The following VGLL4 variants were observed in gnomAD, a reference collection of about 807,000 sequenced individuals.
The protein encoded by VGLL4 is transcription cofactor vestigial-like protein 4.
VGLL4 carries 7 observed loss-of-function variants against 21.0 expected under a neutral mutation model. The ratio of observed to expected loss-of-function variants is 0.33; its 90% CI spans 0.19 to 0.63. The LOEUF (loss-of-function observed/expected upper bound fraction) is 0.63, where lower values mean the gene tolerates loss of function less well. VGLL4 is among the 20% of genes least tolerant of loss of function. The pLI is 0.78. For synonymous variants in VGLL4, 222 were observed against 173.2 expected, an observed-to-expected ratio of 1.28 and a Z score of -2.21; for missense variants, 394 against 425.7, an observed-to-expected ratio of 0.93 and a Z score of 0.66.
intron 1 of VGLL4, among the ~76,000 whole-genome samples, chr3:11,616,049 G>A (rs1310197560): frequency 6.6e-6 from 1 of 152,164 alleles, no homozygotes; most frequent in Non-Finnish European, 1.5e-5. Context: ...ATCCCTGACT[G>A]ATTGGATTGC....
At chr3:11,673,735 C>T (rs930147853) in intron 2 of VGLL4, among the ~76,000 whole-genome samples, 5 of 151,986 alleles carry the variant, frequency 3.3e-5, no homozygotes, top group African/African-American at 9.7e-5. Flanking sequence ...TCAGAATGGC[C>T]AGATGTGGTG....
At chr3:11,689,522 A>G (rs1273839341) in intron 2 of VGLL4, among the ~76,000 whole-genome samples, 1 of 152,192 alleles carries the variant, frequency 6.6e-6, no homozygotes, top group Non-Finnish European at 1.5e-5. Flanking sequence ...ACTTAGATTC[A>G]CTATACAGCA....
chr3:11,595,160 TCAAACAAA>T (rs370686701), intron 2 of VGLL4, among the ~76,000 whole-genome samples: 3,571 of 121,450 alleles, frequency 0.029, 143 homozygotes, highest in African/African-American at 0.11. Flanking sequence ...AAACTCCATC[TCAAACAAA>T]CAAACAAACA....
chr3:11,565,359 G>A lies in VGLL4; in HGVS notation c.273-340C>T, dbSNP rs993944866. ...CTGGAGGCCAAGCTGGTTCGATAAG[G>A]ACCTGCCATTTGGACAGGACGGGGA... On this transcript the variant is annotated intron_variant, in intron 2 of 4. Coordinates refer to ENST00000430365, the MANE Select transcript of VGLL4 (RefSeq NM_001128219.3). This position sits in a 1 kb window ranked among gnomAD's most constrained non-coding sequence, Gnocchi z 4.1. 1.3e-5 allele frequency among the ~76,000 whole-genome samples: 2 copies of A among 152,128 alleles called. No homozygotes were observed. Among genetic ancestry groups the A allele is most frequent in the African/African-American group, 4.8e-5 (2 of 41,414 alleles).
chr3:11,685,422 C>T (rs998505353), intron 2 of VGLL4, among the ~76,000 whole-genome samples: 1 of 152,110 alleles, frequency 6.6e-6, no homozygotes, highest in African/African-American at 2.4e-5. Flanking sequence ...TGGTCTTGAA[C>T]TCCTGACCTT....
At chr3:11,672,951 T>C (rs2076238185) in intron 2 of VGLL4, among the ~76,000 whole-genome samples, 1 of 152,098 alleles carries the variant, frequency 6.6e-6, no homozygotes, top group South Asian at 2.1e-4. Context: ...ATCGCACAAT[T>C]CAAACCCAGC....
At chr3:11,711,716 C>CA (rs540751044) in intron 1 of VGLL4, among the ~76,000 whole-genome samples, 114 of 144,390 alleles carry the variant, frequency 7.9e-4, no homozygotes, top group Middle Eastern at 7.0e-3. Context: ...GACCCTGTCT[C>CA]AAAAAAAAAA....
intron 1 of VGLL4, among the ~76,000 whole-genome samples, chr3:11,623,498 C>T (rs962575216): frequency 2.6e-5 from 4 of 152,094 alleles, no homozygotes; most frequent in African/African-American, 9.7e-5. Context: ...AATCCTGAGT[C>T]GAAGTGGACC....
chr3:11,567,316 C>A (rs1345050365), intron 2 of VGLL4, among the ~76,000 whole-genome samples: 1 of 152,148 alleles, frequency 6.6e-6, no homozygotes, highest in Non-Finnish European at 1.5e-5. Flanking sequence ...ACCCTGTCAG[C>A]CCTAAACCGA....
chr3:11,670,481 T>G (rs968296811), intron 2 of VGLL4, among the ~76,000 whole-genome samples: 1 of 152,206 alleles, frequency 6.6e-6, no homozygotes, highest in Non-Finnish European at 1.5e-5. Context: ...TTGGGAGGTA[T>G]GCACGCAGCT....
At chr3:11,706,276 T>C (rs2076759922) in intron 1 of VGLL4, among the ~76,000 whole-genome samples, 1 of 152,154 alleles carries the variant, frequency 6.6e-6, no homozygotes, top group Non-Finnish European at 1.5e-5. Context: ...GTATTAAAGG[T>C]TCATCCACAA....
In VGLL4 at chr3:11,568,848, C is replaced by A. The variant is rs1018737414; in HGVS notation, c.273-3829G>T. ...CCAAAGGACTCTGAGTGGCTCCGTG[C>A]CAGGCCTATCAGAGCCGCTGAGGCT... On this transcript the variant is annotated intron_variant, in intron 2 of 4. Coordinates refer to ENST00000430365, the MANE Select transcript of VGLL4 (RefSeq NM_001128219.3). The surrounding 1 kb of genome is among the most constrained non-coding windows in gnomAD (Gnocchi z 5.9). 2 of 1,389,708 alleles carry A rather than the reference C, an allele frequency of 1.4e-6. No homozygotes were observed. Among genetic ancestry groups the A allele is most frequent in the African/African-American group, 2.9e-5 (2 of 68,226 alleles). 86.1% of individuals were successfully genotyped at this position (1,389,708 alleles called of 1,614,324 possible). A position where few individuals can be genotyped will look rare whatever the true frequency, so the allele number is the denominator to read the frequency against.
chr3:11,657,376 T>C (rs1199230958), intron 2 of VGLL4, among the ~76,000 whole-genome samples: 1 of 152,130 alleles, frequency 6.6e-6, no homozygotes, highest in Non-Finnish European at 1.5e-5. Flanking sequence ...CTGTTTTTCT[T>C]ACAAATGTGG....
intron 1 of VGLL4, among the ~76,000 whole-genome samples, chr3:11,624,573 G>A (rs1406181215): frequency 6.6e-6 from 1 of 151,940 alleles, no homozygotes; most frequent in Non-Finnish European, 1.5e-5. Context: ...ACTTCATTAA[G>A]TAACCCTCCC....
intron 1 of VGLL4, among the ~76,000 whole-genome samples, chr3:11,614,896 C>A (rs2075132601): frequency 6.6e-6 from 1 of 152,198 alleles, no homozygotes; most frequent in Non-Finnish European, 1.5e-5. Context: ...ATTTTTCCAA[C>A]TTTTAATTTC....
At chr3:11,586,640 G>A (rs553761877) in intron 2 of VGLL4, among the ~76,000 whole-genome samples, 2 of 152,192 alleles carry the variant, frequency 1.3e-5, no homozygotes, top group Admixed American at 6.5e-5. Context: ...TTAAGTATAC[G>A]AGAGGATTTC....
intron 1 of VGLL4, among the ~76,000 whole-genome samples, chr3:11,615,433 G>A (rs1257569866): frequency 1.3e-5 from 2 of 152,064 alleles, no homozygotes; most frequent in Non-Finnish European, 2.9e-5. Context: ...AATCTTTTTG[G>A]CAAGAATACT....
chr3:11,626,971 A>C, intron 1 of VGLL4, among the ~76,000 whole-genome samples: 1 of 151,950 alleles, frequency 6.6e-6, no homozygotes. Context: ...GGTGGGGGGC[A>C]GTGAAACTGG....
chr3:11,673,212 T>A (rs1302135600), intron 2 of VGLL4, among the ~76,000 whole-genome samples: 3 of 151,560 alleles, frequency 2.0e-5, no homozygotes, highest in Non-Finnish European at 4.4e-5. Context: ...GAAAAGCAAA[T>A]CAGAGGACAC....
Sources: gnomAD v4.1 joint callset for allele counts (sites outside exome capture counted in the v4.1 genomes callset) on GRCh38, gnomAD v4.1.1 for gene constraint, Gnocchi (gnomAD v3.1) non-coding constraint, MANE v1.5 for transcripts, NCBI Gene and HGNC (gene_info 2026-07-23, HGNC 2026-07-21) for gene names.